The following PLEKHA5 variants were observed in gnomAD, a reference collection of about 807,000 sequenced individuals.
The protein encoded by PLEKHA5 is pleckstrin homology domain-containing family A member 5.
A neutral mutation model predicts 181.9 loss-of-function variants in PLEKHA5; 55 were observed. The observed-to-expected ratio is 0.30, with a 90% CI of 0.24 to 0.38. The LOEUF is 0.38. Ranked by LOEUF, PLEKHA5 falls within the 10% of genes least tolerant of loss-of-function variation. The probability of loss-of-function intolerance (pLI) is 1.00; values close to 1 mark genes in which losing one functional copy is unlikely to be tolerated. For missense variants in PLEKHA5, 1,432 were observed against 1,549.5 expected, an observed-to-expected ratio of 0.92 and a Z score of 1.27; for synonymous variants, 535 against 529.4, an observed-to-expected ratio of 1.01 and a Z score of -0.15.
chr12:19,198,923 T>C (rs192624266), intron 3 of PLEKHA5, among the ~76,000 whole-genome samples: 1 of 152,208 alleles, frequency 6.6e-6, no homozygotes, highest in African/African-American at 2.4e-5. Flanking sequence ...AATTATTTCA[T>C]GTATGGTTTT....
intron 15 of PLEKHA5, chr12:19,306,894 G>A: frequency 1.2e-6 from 1 of 809,268 alleles, no homozygotes; most frequent in Non-Finnish European, 2.1e-6. Context: ...GCTAAGGCTT[G>A]TCTCTGTTGG....
chr12:19,173,005 CTTTTTTTTTTTT>C (rs71064064), intron 3 of PLEKHA5, among the ~76,000 whole-genome samples: 7 of 33,550 alleles, frequency 2.1e-4, no homozygotes, highest in South Asian at 2.1e-3. Context: ...ATTTCCCTTT[CTTTTTTTTTTTT>C]TTTTTTTTTT....
chr12:19,364,800 G>C (rs1469434570), intron 29 of PLEKHA5, among the ~76,000 whole-genome samples: 1 of 151,792 alleles, frequency 6.6e-6, no homozygotes, highest in African/African-American at 2.4e-5. Context: ...CAAGTAGCTG[G>C]GTTTATAGGC....
intron 3 of PLEKHA5, among the ~76,000 whole-genome samples, chr12:19,168,711 C>T (rs910184135): frequency 2.0e-5 from 3 of 152,070 alleles, no homozygotes; most frequent in African/African-American, 7.2e-5. Flanking sequence ...AGAAAGGGCT[C>T]TTCAAATGAG....
chr12:19,151,003 A>G (rs2040247638), intron 3 of PLEKHA5: 1 of 152,232 alleles, frequency 6.6e-6, no homozygotes, highest in Non-Finnish European at 1.5e-5. Flanking sequence ...GTATACTGCA[A>G]GGTTGGAGAT....
intron 3 of PLEKHA5, among the ~76,000 whole-genome samples, chr12:19,149,298 C>T (rs1474050052): frequency 2.0e-5 from 3 of 151,764 alleles, no homozygotes; most frequent in Non-Finnish European, 4.4e-5. Flanking sequence ...GTCGGGAGAT[C>T]GAGACCATCC....
At chr12:19,353,015 T>C (rs1039942861) in intron 25 of PLEKHA5, among the ~76,000 whole-genome samples, 2 of 151,482 alleles carry the variant, frequency 1.3e-5, no homozygotes, top group African/African-American at 4.8e-5. Context: ...CTGAAAATCC[T>C]GAGCTCAAGT....
At position 19,354,128 on chromosome 12, in the gene PLEKHA5, T is replaced by C. The variant is rs1016201387; in HGVS notation, c.3138+126T>C. 8 of 417,392 alleles carry C rather than the reference T, an allele frequency of 1.9e-5. 1 individual carries two copies. The Middle Eastern group carries it at 1.8e-3, about 94-fold the overall frequency. The allele number at this position is 417,392 out of a possible 1,614,324, so 25.9% of individuals were successfully genotyped here. On this transcript the variant is annotated intron_variant, in intron 26 of 31. Transcript: ENST00000429027. ...TACTCAAAGAAAAACTTAGTAATCT[T>C]AGTTATTCTTTATTCTTTTTTTTTT...
At chr12:19,228,919 T>C (rs2060053047) in intron 3 of PLEKHA5, among the ~76,000 whole-genome samples, 1 of 152,204 alleles carries the variant, frequency 6.6e-6, no homozygotes, top group Non-Finnish European at 1.5e-5. Context: ...TTTTTAACAC[T>C]AGACAGCAGT....
rs35688656 is a variant in PLEKHA5, at chr12:19,231,757, TTAC to T, written c.228-22177_228-22175del. 5.7e-3 allele frequency among the ~76,000 whole-genome samples: 864 copies of T among 151,674 alleles called. 9 individuals carry two copies. The highest frequency in any genetic ancestry group is 0.02 in the African/African-American group (819 of 41,474). On this transcript the variant is annotated intron_variant, in intron 3 of 31. Coordinates refer to ENST00000429027, the MANE Select transcript of PLEKHA5 (RefSeq NM_001256470.2). ...AAATTTTTACAAACCTAATTTTTTA[TTAC>T]TACTATATATTTAATTATAAAATCA...
intron 3 of PLEKHA5, among the ~76,000 whole-genome samples, chr12:19,249,915 G>A (rs1168048888): frequency 6.6e-6 from 1 of 152,126 alleles, no homozygotes; most frequent in Non-Finnish European, 1.5e-5. Context: ...TTATTTTAAG[G>A]GTTATGATAG....
intron 3 of PLEKHA5, chr12:19,200,598 A>T: frequency 8.5e-7 from 1 of 1,183,042 alleles, no homozygotes; most frequent in Non-Finnish European, 1.0e-6. Context: ...AGTAGAAACT[A>T]TCAGGCCTGA....
At chr12:19,345,606 A>C (rs2094277224) in intron 22 of PLEKHA5, among the ~76,000 whole-genome samples, 1 of 151,666 alleles carries the variant, frequency 6.6e-6, no homozygotes, top group African/African-American at 2.4e-5. Context: ...TCTACTAAAA[A>C]TAAAAAAAAT....
intron 28 of PLEKHA5, among the ~76,000 whole-genome samples, chr12:19,360,418 A>C (rs1168988196): frequency 6.6e-6 from 1 of 151,938 alleles, no homozygotes; most frequent in East Asian, 1.9e-4. Flanking sequence ...TCAGCCTCGC[A>C]AACATAGTGA....
At chr12:19,360,531 G>C (rs2153232496) in intron 28 of PLEKHA5, among the ~76,000 whole-genome samples, 1 of 151,622 alleles carries the variant, frequency 6.6e-6, no homozygotes, top group South Asian at 2.1e-4. Context: ...TTGAACCCGG[G>C]AGTCAGAGGT....
At chr12:19,205,308 T>A in intron 3 of PLEKHA5, 1 of 888,852 alleles carries the variant, frequency 1.1e-6, no homozygotes, top group Non-Finnish European at 1.3e-6. Flanking sequence ...TCAGTTTTCT[T>A]ATAGTGGAAA....
At chr12:19,161,113 A>G (rs2042863965) in intron 3 of PLEKHA5, among the ~76,000 whole-genome samples, 1 of 152,218 alleles carries the variant, frequency 6.6e-6, no homozygotes, top group African/African-American at 2.4e-5. Context: ...AGCTATATTA[A>G]TATTTTAAGT....
intron 25 of PLEKHA5, among the ~76,000 whole-genome samples, chr12:19,352,018 G>C (rs1456805546): frequency 6.7e-6 from 1 of 149,872 alleles, no homozygotes; most frequent in Admixed American, 6.7e-5. Flanking sequence ...AGAGATTACA[G>C]TGAGCCGAGA....
chr12:19,351,381 A>G (rs2094583874), intron 25 of PLEKHA5, among the ~76,000 whole-genome samples: 1 of 152,214 alleles, frequency 6.6e-6, no homozygotes, highest in African/African-American at 2.4e-5. Flanking sequence ...TATTTTATAA[A>G]GTAAAAAATG....
Sources: gnomAD v4.1 joint callset for allele counts (sites outside exome capture counted in the v4.1 genomes callset) on GRCh38, gnomAD v4.1.1 for gene constraint, MANE v1.5 for transcripts, NCBI Gene and HGNC (gene_info 2026-07-23, HGNC 2026-07-21) for gene names.